Variants in GRHL2 observed in about 807,000 individuals in gnomAD.
The protein encoded by GRHL2 is grainyhead-like protein 2 homolog.
A neutral mutation model predicts 83.8 loss-of-function variants in GRHL2; 21 were observed. That is an observed-to-expected ratio of 0.25 (90% CI 0.18 to 0.36). GRHL2 has a LOEUF of 0.36. GRHL2 is among the 10% of genes least tolerant of loss of function. The pLI is 1.00. For missense variants in GRHL2, 623 were observed against 781.8 expected, an observed-to-expected ratio of 0.80 and a Z score of 2.42; for synonymous variants, 280 against 278.9, an observed-to-expected ratio of 1.00 and a Z score of -0.04.
At chr8:101,673,166 T>C (rs1020597142), downstream of GRHL2, among the ~76,000 whole-genome samples, 1 of 151,316 alleles carries the variant, frequency 6.6e-6, no homozygotes, top group African/African-American at 2.4e-5. Flanking sequence ...AATAACCAGC[T>C]AACATCATAA....
At position 101,619,708 on chromosome 8, in the gene GRHL2, A is replaced by G. The variant is rs1267442969; in HGVS notation, c.1257+11A>G. 1 of 1,603,682 alleles carries G rather than the reference A, an allele frequency of 6.2e-7. No individual in the cohort carries two copies. The highest frequency in any genetic ancestry group is 8.5e-7 in the Non-Finnish European group (1 of 1,170,824). ...GTCTTCTGTGACAAAGTGAGTAAAG[A>G]TGACAGTTTTTTATAAAGGTATCTT... On this transcript the variant is annotated intron_variant, in intron 9 of 15. Transcript: ENST00000646743.
At chr8:101,641,321 G>A (rs1285676211) in intron 12 of GRHL2, among the ~76,000 whole-genome samples, 1 of 152,024 alleles carries the variant, frequency 6.6e-6, no homozygotes, top group Non-Finnish European at 1.5e-5. Context: ...GGATAACATG[G>A]GCAAGGGACT....
At chr8:101,676,220 G>T in the GRHL2 span, among the ~76,000 whole-genome samples, 136 of 149,114 alleles carry the variant, frequency 9.1e-4, no homozygotes, top group Admixed American at 2.4e-3. Flanking sequence ...GGGATCTAAT[G>T]AAACTAAAGA....
At chr8:101,533,969 G>A (rs892961545) in intron 1 of GRHL2, among the ~76,000 whole-genome samples, 1 of 152,122 alleles carries the variant, frequency 6.6e-6, no homozygotes, top group African/African-American at 2.4e-5. Context: ...AAGGAAAAGG[G>A]GAGTCATTAC....
At chr8:101,645,653 C>T (rs2129676671) in intron 13 of GRHL2, among the ~76,000 whole-genome samples, 1 of 152,208 alleles carries the variant, frequency 6.6e-6, no homozygotes, top group Non-Finnish European at 1.5e-5. Context: ...CCTCATAGAG[C>T]TGTGTGAGGA....
chr8:101,531,287 A>C (rs79410000), intron 1 of GRHL2, among the ~76,000 whole-genome samples: 2,842 of 151,686 alleles, frequency 0.019, 87 homozygotes, highest in African/African-American at 0.066. Flanking sequence ...GCTGACTGCT[A>C]CCTGAACCTG....
chr8:101,499,901 C>A (rs914497002), intron 1 of GRHL2, among the ~76,000 whole-genome samples: 1 of 152,050 alleles, frequency 6.6e-6, no homozygotes, highest in African/African-American at 2.4e-5. Flanking sequence ...TATGGTGAAA[C>A]CCCGTCTTTA....
chr8:101,618,861 G>T (rs988301326), intron 8 of GRHL2, among the ~76,000 whole-genome samples: 3 of 151,864 alleles, frequency 2.0e-5, no homozygotes, highest in Non-Finnish European at 4.4e-5. Context: ...TATTCCACAG[G>T]CCAGAGATTA....
intron 1 of GRHL2, among the ~76,000 whole-genome samples, chr8:101,497,256 A>G (rs55929319): frequency 0.046 from 6,998 of 152,266 alleles, 304 homozygotes; most frequent in African/African-American, 0.11. Flanking sequence ...CCACCTCCCT[A>G]AAACTTGTAG....
In GRHL2 at chr8:101,558,549, T is replaced by C. The variant is rs1304299309; in HGVS notation, c.415T>C (p.Tyr139His). The C allele has an allele frequency of 4.3e-6, 7 of 1,614,036 alleles. No homozygotes were observed. The highest frequency in any genetic ancestry group is 2.2e-5 in the East Asian group (1 of 44,874). The change falls in exon 4 of 16, where the codon TAC becomes CAC. Residue 139 changes from tyrosine to histidine, a missense_variant. Transcript: ENST00000646743. ...CCTGGAGAATTCCAAGCGGGAACAG[T>C]ACAGCATCAGCTTCCCCGAGAGCTC... ...DHLENSKREQ[Y>H]SISFPESSAI...
chr8:101,536,904 T>TA (rs1811055636), intron 1 of GRHL2, among the ~76,000 whole-genome samples: 1 of 152,140 alleles, frequency 6.6e-6, no homozygotes, highest in East Asian at 1.9e-4. Flanking sequence ...AGTCATTTTT[T>TA]ATGCTCCTCT....
At chr8:101,567,772 C>T (rs1170510662) in intron 4 of GRHL2, among the ~76,000 whole-genome samples, 1 of 152,086 alleles carries the variant, frequency 6.6e-6, no homozygotes, top group Non-Finnish European at 1.5e-5. Flanking sequence ...AGTATCATAC[C>T]TTCTCATGCC....
intron 14 of GRHL2, among the ~76,000 whole-genome samples, chr8:101,650,768 T>A (rs963173688): frequency 6.6e-6 from 1 of 152,050 alleles, no homozygotes; most frequent in Admixed American, 6.6e-5. Flanking sequence ...CAGCACTGAA[T>A]TATACACTTT....
intron 4 of GRHL2, among the ~76,000 whole-genome samples, chr8:101,563,223 C>T (rs551698022): frequency 6.6e-6 from 1 of 152,254 alleles, no homozygotes; most frequent in South Asian, 2.1e-4. Context: ...GGCTTCAGGA[C>T]CTAAATCCTT....
At chr8:101,614,833 C>G (rs761492066) in intron 8 of GRHL2, among the ~76,000 whole-genome samples, 18 of 152,180 alleles carry the variant, frequency 1.2e-4, no homozygotes, top group Non-Finnish European at 2.6e-4. Context: ...AGTTAAAGTT[C>G]AACCATTTGG....
Position 101,576,359 on chromosome 8 carries a change from C to G in GRHL2, c.892-1049C>G, listed in dbSNP as rs148858260. Among the ~76,000 whole-genome samples, 308 of 150,286 alleles carry G rather than the reference C, an allele frequency of 2.0e-3. 2 individuals are homozygous for G. Among genetic ancestry groups the G allele is most frequent in the African/African-American group, 7.5e-3 (297 of 39,706 alleles). ...CCTTCCAAGTAGCTGGGACTTCAGA[C>G]GTGCACCACCATGCCTGGCTTTTTA... On this transcript the variant is annotated intron_variant, in intron 6 of 15. Coordinates refer to ENST00000646743, the MANE Select transcript of GRHL2 (RefSeq NM_024915.4).
At chr8:101,550,904 A>G (rs1235774299) in intron 2 of GRHL2, among the ~76,000 whole-genome samples, 2 of 152,182 alleles carry the variant, frequency 1.3e-5, no homozygotes, top group African/African-American at 2.4e-5. Context: ...TAGTGTCTTC[A>G]GGGTCCCTCC....
At chr8:101,616,369 C>T (rs1263060020) in intron 8 of GRHL2, among the ~76,000 whole-genome samples, 1 of 152,020 alleles carries the variant, frequency 6.6e-6, no homozygotes, top group Non-Finnish European at 1.5e-5. Flanking sequence ...TGGGGTTTCA[C>T]CATGTTGGCC....
At chr8:101,538,002 T>A (rs373831586) in intron 1 of GRHL2, among the ~76,000 whole-genome samples, 3 of 152,328 alleles carry the variant, frequency 2.0e-5, no homozygotes, top group African/African-American at 7.2e-5. Context: ...GTGAGGGAGC[T>A]GCCCTGTTAC....
Sources: gnomAD v4.1 joint callset for allele counts (sites outside exome capture counted in the v4.1 genomes callset) on GRCh38, gnomAD v4.1.1 for gene constraint, MANE v1.5 for transcripts, NCBI Gene and HGNC (gene_info 2026-07-23, HGNC 2026-07-21) for gene names.